The following ACTR3C variants were observed in gnomAD, a reference collection of about 807,000 sequenced individuals.
ACTR3C encodes actin-related protein 3C.
ACTR3C carries 18 observed loss-of-function variants against 26.3 expected under a neutral mutation model. The observed-to-expected ratio is 0.68, with a 90% CI of 0.47 to 1.01. The LOEUF is 1.01. ACTR3C is among the 50% of genes least tolerant of loss of function. The pLI is 0.00. For synonymous variants in ACTR3C, 55 were observed against 94.5 expected (o/e 0.58, Z 2.42); for missense variants, 184 against 250.7 (o/e 0.73, Z 1.80).
rs1469288890 is a variant in ACTR3C, at chr7:150,274,501, C to T, written c.564+10252G>A. Among the ~76,000 whole-genome samples the T allele has an allele frequency of 6.6e-6, 1 of 152,222 alleles. No individual in the cohort carries two copies. Among genetic ancestry groups the T allele is most frequent in the African/African-American group, 2.4e-5 (1 of 41,446 alleles). On this transcript the variant is annotated intron_variant, in intron 6 of 7. Transcript: ENST00000683684. This position sits in a 1 kb window ranked among gnomAD's most constrained non-coding sequence, Gnocchi z 4.1. ...TCACTTCATTGCACCATTCACTTCACTGGGATGGTCCGAAACTGAACCCAC... is the reference window on the plus strand; with the variant it reads ...TCACTTCATTGCACCATTCACTTCATTGGGATGGTCCGAAACTGAACCCAC...
the ACTR3C span, among the ~76,000 whole-genome samples, chr7:149,955,079 A>T: frequency 1.3e-5 from 2 of 152,248 alleles, no homozygotes; most frequent in Non-Finnish European, 2.9e-5. Context: ...ACTGACCAAG[A>T]TTGCCACAAA....
At chr7:150,165,717 G>C in the ACTR3C span, among the ~76,000 whole-genome samples, 1 of 151,830 alleles carries the variant, frequency 6.6e-6, no homozygotes, top group African/African-American at 2.4e-5. Context: ...TTTCCCTCTT[G>C]TGCAGTGCAC....
chr7:150,038,980 C>T, the ACTR3C span, among the ~76,000 whole-genome samples: 56 of 90,310 alleles, frequency 6.2e-4, 15 homozygotes, highest in Admixed American at 6.5e-3. Flanking sequence ...CCCCCTCCTG[C>T]GATCGGGGTC....
At chr7:150,136,603 G>A in the ACTR3C span, among the ~76,000 whole-genome samples, 2 of 152,110 alleles carry the variant, frequency 1.3e-5, no homozygotes, top group Admixed American at 1.3e-4. Context: ...CCGGGAGATG[G>A]AGATTGTAGT....
At chr7:150,100,633 T>C in the ACTR3C span, among the ~76,000 whole-genome samples, 1 of 151,504 alleles carries the variant, frequency 6.6e-6, no homozygotes, top group Non-Finnish European at 1.5e-5. Flanking sequence ...GCAAAGCAAA[T>C]TTACTTAGTC....
In ACTR3C at chr7:150,284,796, A is replaced by G; in HGVS notation, c.521T>C (p.Val174Ala). The change falls in exon 6 of 8, where the codon GTA (valine) becomes GCA (alanine). Residue 174 changes from valine to alanine, a missense_variant. Physicochemically the swap from Val to Ala is moderately conservative, Grantham distance 64. Coordinates refer to ENST00000683684, the MANE Select transcript of ACTR3C (RefSeq NM_001164458.2). Reference sequence around the variant, plus strand: ...CACATCGATGGGGCAGTTCTGTATTACTTCATCAACAACATCTGAGATGGA... The same window carrying G: ...CACATCGATGGGGCAGTTCTGTATTGCTTCATCAACAACATCTGAGATGGA... The part of the protein sequence containing the change: ...MESISDVVDE[V>A]IQNCPIDVRR... 2 of 1,613,540 alleles carry G rather than the reference A, an allele frequency of 1.2e-6. No homozygotes were observed. The highest frequency in any genetic ancestry group is 1.7e-4 in the Middle Eastern group (1 of 6,056).
At chr7:150,035,014 G>T in the ACTR3C span, among the ~76,000 whole-genome samples, 3 of 143,350 alleles carry the variant, frequency 2.1e-5, no homozygotes, top group East Asian at 2.2e-4. Flanking sequence ...GGTCCTCAGA[G>T]CCAGGGGGGG....
chr7:150,051,568 G>GGTAA, the ACTR3C span, among the ~76,000 whole-genome samples: 23,416 of 75,524 alleles, frequency 0.31, 4,366 homozygotes, highest in Middle Eastern at 0.44. Context: ...CTACTTATTG[G>GGTAA]GTGTGAGAAA....
chr7:150,291,202 A>G (rs1048369666), intron 3 of ACTR3C, among the ~76,000 whole-genome samples: 77 of 152,198 alleles, frequency 5.1e-4, no homozygotes, highest in Non-Finnish European at 5.1e-4. Context: ...AGGCCAAGAC[A>G]GGCGGATCAC....
At chr7:150,026,865 A>G in the ACTR3C span, among the ~76,000 whole-genome samples, 10 of 152,176 alleles carry the variant, frequency 6.6e-5, no homozygotes, top group African/African-American at 2.4e-4. Flanking sequence ...ATCACATAAA[A>G]CACTTAAAAT....
the ACTR3C span, among the ~76,000 whole-genome samples, chr7:150,178,657 G>A: frequency 0.16 from 23,867 of 150,340 alleles, 4,120 homozygotes; most frequent in African/African-American, 0.38. Flanking sequence ...TAAAGTTATG[G>A]CAGTATGAAC....
chr7:150,318,676 C>T (rs1045092401), intron 1 of ACTR3C, among the ~76,000 whole-genome samples: 4 of 152,110 alleles, frequency 2.6e-5, no homozygotes, highest in Non-Finnish European at 5.9e-5. Flanking sequence ...GCAGAAGAAT[C>T]GCTTGAACCC....
At chr7:150,313,260 T>C in intron 1 of ACTR3C, among the ~76,000 whole-genome samples, 1 of 152,138 alleles carries the variant, frequency 6.6e-6, no homozygotes, top group East Asian at 1.9e-4. Flanking sequence ...CCTGTTTAGG[T>C]GGTCTTCTCT....
At chr7:150,063,531 G>A in the ACTR3C span, among the ~76,000 whole-genome samples, 2 of 151,410 alleles carry the variant, frequency 1.3e-5, no homozygotes, top group East Asian at 1.9e-4. Context: ...GCTCAAAGCT[G>A]CTCTTGTACA....
the ACTR3C span, among the ~76,000 whole-genome samples, chr7:150,237,067 A>G: frequency 0.083 from 12,592 of 151,464 alleles, 1,044 homozygotes; most frequent in African/African-American, 0.22. Flanking sequence ...TGAAGCCCAT[A>G]GTATTTTTAC....
chr7:150,314,135 T>C (rs1796584699), intron 1 of ACTR3C, among the ~76,000 whole-genome samples: 1 of 152,162 alleles, frequency 6.6e-6, no homozygotes, highest in Admixed American at 6.5e-5. Flanking sequence ...CATGTGGCAC[T>C]GGGGCTGTAT....
At chr7:150,119,526 A>C in the ACTR3C span, among the ~76,000 whole-genome samples, 1 of 152,222 alleles carries the variant, frequency 6.6e-6, no homozygotes, top group Non-Finnish European at 1.5e-5. Context: ...TGCAACAAGA[A>C]GAGCTAACTA....
chr7:150,181,624 G>A, the ACTR3C span, among the ~76,000 whole-genome samples: 1 of 149,712 alleles, frequency 6.7e-6, no homozygotes, highest in Non-Finnish European at 1.5e-5. Flanking sequence ...TATATATATA[G>A]CACCCATTTC....
the ACTR3C span, among the ~76,000 whole-genome samples, chr7:149,959,138 TCATTCCCTGAGCACTTTC>T: frequency 6.6e-6 from 1 of 152,182 alleles, no homozygotes; most frequent in Non-Finnish European, 1.5e-5. Context: ...CTGATCATGA[TCATTCCCTGAGCACTTTC>T]TTCAGCAGGG....
Sources: allele counts gnomAD v4.1 joint callset (sites outside exome capture counted in the v4.1 genomes callset), GRCh38; gene constraint gnomAD v4.1.1; non-coding constraint Gnocchi (gnomAD v3.1); transcripts MANE v1.5; gene names NCBI Gene and HGNC (gene_info 2026-07-23, HGNC 2026-07-21).